Variants in MAPK8IP1 observed in about 807,000 individuals in gnomAD.
The protein encoded by MAPK8IP1 is C-Jun-amino-terminal kinase-interacting protein 1.
In MAPK8IP1, 17 loss-of-function variants were observed where a neutral mutation model predicts 72.6. That is an observed-to-expected ratio of 0.23 (90% CI 0.16 to 0.35). MAPK8IP1 has a LOEUF of 0.35. Among genes scored for constraint, MAPK8IP1 ranks in the 10% least tolerant of loss-of-function variants. MAPK8IP1 has a pLI of 1.00. For synonymous variants in MAPK8IP1, 401 were observed against 443.4 expected, an observed-to-expected ratio of 0.90 and a Z score of 1.20; for missense variants, 789 against 1,009.7, an observed-to-expected ratio of 0.78 and a Z score of 2.96.
Position 45,905,741 on chromosome 11 carries a change from G to A in MAPK8IP1, c.*20G>A. On this transcript the variant is annotated 3_prime_UTR_variant, in exon 12 of 12. Transcript: ENST00000241014. Reference sequence around the variant, plus strand: ...GAGTAGCTGTGCAGCCCCGCCCTCTGCGTCCCCCAGCCCTCAGGCCAGTGC... The same window carrying A: ...GAGTAGCTGTGCAGCCCCGCCCTCTACGTCCCCCAGCCCTCAGGCCAGTGC... 6.2e-7 allele frequency: 1 copy of A among 1,609,924 alleles called. No individual in the cohort carries two copies. Among genetic ancestry groups the A allele is most frequent in the East Asian group, 2.2e-5 (1 of 44,864 alleles).
chr11:45,885,829 G>A lies in MAPK8IP1; in HGVS notation c.9G>A (p.Glu3=), dbSNP rs532716851. Residue 3 remains glutamate (E), a synonymous_variant, in exon 1 of 12, where the codon GAG becomes GAA. Transcript: ENST00000241014. ...CAGGGCTGTGCCCGAGAATGGCGGAGCGAGAAAGCGGCGGCCTGGGAGGGG... is the reference window on the plus strand; with the variant it reads ...CAGGGCTGTGCCCGAGAATGGCGGAACGAGAAAGCGGCGGCCTGGGAGGGG... The part of the protein sequence containing the change: MA[E]RESGGLGGGA... 7.0e-7 allele frequency: 1 copy of A among 1,432,182 alleles called. No individual in the cohort carries two copies. Among genetic ancestry groups the A allele is most frequent in the Non-Finnish European group, 9.2e-7 (1 of 1,091,488 alleles). The allele number at this position is 1,432,182 out of a possible 1,614,324, so 88.7% of individuals were successfully genotyped here.
chr11:45,901,094 G>A (rs2086649774), intron 3 of MAPK8IP1, among the ~76,000 whole-genome samples: 1 of 152,110 alleles, frequency 6.6e-6, no homozygotes, highest in Non-Finnish European at 1.5e-5. Flanking sequence ...TGTCTTCCAG[G>A]CCCATCGGGA....
chr11:45,902,567 TCCACTA>T lies in MAPK8IP1; in HGVS notation c.804_809del (p.His268_Tyr269del), dbSNP rs1221575852. On this transcript the variant is annotated inframe_deletion, in exon 5 of 12. Transcript: ENST00000241014. The surrounding 1 kb of genome is among the most constrained non-coding windows in gnomAD (Gnocchi z 9.3). ...CGGGGCCACTCGCATCGAGACCGAATCCACTACCAGGCCGATGTGCGACTAGAGGCC... is the reference window on the plus strand; with the variant it reads ...CGGGGCCACTCGCATCGAGACCGAATCCAGGCCGATGTGCGACTAGAGGCC... The T allele has an allele frequency of 6.2e-7, 1 of 1,612,382 alleles. No individual in the cohort carries two copies. Among genetic ancestry groups the T allele is most frequent in the African/African-American group, 1.3e-5 (1 of 74,776 alleles).
At chr11:45,888,796 T>G (rs960335121) in intron 1 of MAPK8IP1, among the ~76,000 whole-genome samples, 11 of 151,906 alleles carry the variant, frequency 7.2e-5, no homozygotes, top group Non-Finnish European at 1.5e-4. Context: ...GTATTCTGGG[T>G]TCAAGCGGTT....
In MAPK8IP1 at chr11:45,904,028, G is replaced by A. The variant is rs1445138377; in HGVS notation, c.1533G>A (p.Val511=). 6.2e-7 allele frequency: 1 copy of A among 1,613,868 alleles called. No individual in the cohort carries two copies. Among genetic ancestry groups the A allele is most frequent in the Non-Finnish European group, 8.5e-7 (1 of 1,180,026 alleles). The change falls in exon 7 of 12, where the codon GTG becomes GTA. Residue 511 remains valine (V), a synonymous_variant. Transcript: ENST00000241014. The surrounding 1 kb of genome is among the most constrained non-coding windows in gnomAD (Gnocchi z 6.4). The part of the protein sequence containing the change: ...PRHEDELELE[V]DDPLLVELQA... ...ACGAAGACGAACTTGAGCTGGAAGT[G>A]GATGACCCTCTGCTAGTGGAGCTCC...
intron 11 of MAPK8IP1, 131 bp from the exon 12 acceptor site, chr11:45,905,518 A>T: frequency 1.2e-6 from 1 of 861,788 alleles, no homozygotes; most frequent in South Asian, 1.3e-5. Flanking sequence ...GAACAGAGCC[A>T]AGTGGCCCCA....
rs1590787191 is a variant in MAPK8IP1, at chr11:45,901,982, C to T, written c.525C>T (p.Asp175=). The T allele has an allele frequency of 1.2e-6, 2 of 1,613,428 alleles. No individual in the cohort carries two copies. The highest frequency in any genetic ancestry group is 4.5e-5 in the East Asian group (2 of 44,876). ...AGAGCCTTTTGTTCCCTGCACAGGA[C>T]ACACTGAATAATAATTCTCTGGGCA... ...NLFPQVPRSQ[D]TLNNNSLGKK... The change falls in exon 4 of 12, where the codon GAC becomes GAT. Residue 175 remains aspartate, a splice_region_variant and synonymous_variant. Transcript: ENST00000241014.
chr11:45,888,669 G>T lies in MAPK8IP1; in HGVS notation c.101+2748G>T, dbSNP rs542206723. 2.0e-5 allele frequency among the ~76,000 whole-genome samples: 3 copies of T among 152,102 alleles called. No homozygotes were observed. The South Asian group carries it at 6.2e-4, about 32-fold the overall frequency. On this transcript the variant is annotated intron_variant, in intron 1 of 11. Coordinates refer to ENST00000241014, the MANE Select transcript of MAPK8IP1 (RefSeq NM_005456.4). ...TGGTTACCTTTGGGTATGGTATGGG[G>T]TGAGGGATTTTTACTTCTTATTTTA...
In MAPK8IP1 at chr11:45,905,997, A is replaced by G. The variant is rs902987349; in HGVS notation, c.*276A>G. 1 of 567,338 alleles carries G rather than the reference A, an allele frequency of 1.8e-6. No homozygotes were observed. The highest frequency in any genetic ancestry group is 3.2e-6 in the Non-Finnish European group (1 of 315,334). The allele number at this position is 567,338 out of a possible 1,614,324, so 35.1% of individuals were successfully genotyped here. ...CTTGGGGAGCAGGTCTCTGGCAGAG[A>G]AGGATGTCCGTTCCAGGAGCACACG... is the stretch of plus-strand genomic sequence containing the variant. On this transcript the variant is annotated 3_prime_UTR_variant, in exon 12 of 12. Coordinates refer to ENST00000241014, the MANE Select transcript of MAPK8IP1 (RefSeq NM_005456.4).
chr11:45,889,092 A>G (rs2086548012), intron 1 of MAPK8IP1, among the ~76,000 whole-genome samples: 3 of 152,202 alleles, frequency 2.0e-5, no homozygotes, highest in Non-Finnish European at 4.4e-5. Flanking sequence ...ATTTTGGAAT[A>G]TTTGCATATG....
Position 45,902,509 on chromosome 11 carries a change from C to G in MAPK8IP1, c.742C>G (p.Pro248Ala), listed in dbSNP as rs903754645. The change falls in exon 5 of 12, where the codon CCG becomes GCG. Residue 248 changes from proline to alanine, a missense_variant. Transcript: ENST00000241014. The surrounding 1 kb of genome is among the most constrained non-coding windows in gnomAD (Gnocchi z 9.3). ...CAGCACAGCCACCCAGATGGCACCT[C>G]CGGGTGGTCCCCCTGCTGCCCCGCC... ...RRSTATQMAP[P>A]GGPPAAPPGG... 1 of 1,609,678 alleles carries G rather than the reference C, an allele frequency of 6.2e-7. No homozygotes were observed. The highest frequency in any genetic ancestry group is 8.5e-7 in the Non-Finnish European group (1 of 1,178,680).
Position 45,904,052 on chromosome 11 carries a change from C to A in MAPK8IP1, c.1557C>A (p.Leu519=), listed in dbSNP as rs765749013. 8.1e-6 allele frequency: 13 copies of A among 1,614,040 alleles called. No homozygotes were observed. In the South Asian group the frequency reaches 1.3e-4, roughly 16 times the overall value. Residue 519 remains leucine (L), a synonymous_variant, in exon 7 of 12, where the codon CTC becomes CTA. Coordinates refer to ENST00000241014, the MANE Select transcript of MAPK8IP1 (RefSeq NM_005456.4). This position sits in a 1 kb window ranked among gnomAD's most constrained non-coding sequence, Gnocchi z 6.4. ...LEVDDPLLVE[L]QAEDYWYEAY... ...TGGATGACCCTCTGCTAGTGGAGCT[C>A]CAGGCTGAAGACTACTGGTACGAGG...
chr11:45,885,881 C>A lies in MAPK8IP1; in HGVS notation c.61C>A (p.Pro21Thr). 6.8e-7 allele frequency: 1 copy of A among 1,463,174 alleles called. No homozygotes were observed. Among genetic ancestry groups the A allele is most frequent in the Non-Finnish European group, 9.1e-7 (1 of 1,104,100 alleles). The allele number at this position is 1,463,174 out of a possible 1,614,324, so 90.6% of individuals were successfully genotyped here. A position where few individuals can be genotyped will look rare whatever the true frequency, so the allele number is the denominator to read the frequency against. Reference sequence around the variant, plus strand: ...GGCCGCGTCCCCGCCCGCCGCCTCCCCGTTCCTGGGGCTGCACATCGCTTC... The same window carrying A: ...GGCCGCGTCCCCGCCCGCCGCCTCCACGTTCCTGGGGCTGCACATCGCTTC... The part of the protein sequence containing the change: ...GGAASPPAAS[P>T]FLGLHIASPP... The change falls in exon 1 of 12, where the codon CCG (proline) becomes ACG (threonine). Residue 21 changes from proline (P) to threonine (T), a missense_variant. Coordinates refer to ENST00000241014, the MANE Select transcript of MAPK8IP1 (RefSeq NM_005456.4).
rs762959252 is a variant in MAPK8IP1 at position 45,902,263 on chromosome 11, C to T, written c.605-109C>T. ...CCCAGAGCCTGCGAAGGGCCTGTTGCCCAGGGAGGCTTTGTCTTGGTTTCT... is the reference window on the plus strand; with the variant it reads ...CCCAGAGCCTGCGAAGGGCCTGTTGTCCAGGGAGGCTTTGTCTTGGTTTCT... On this transcript the variant is annotated intron_variant, in intron 4 of 11. Transcript: ENST00000241014. This position sits in a 1 kb window ranked among gnomAD's most constrained non-coding sequence, Gnocchi z 9.3. 23 of 1,086,150 alleles carry T rather than the reference C, an allele frequency of 2.1e-5. No homozygotes were observed. Among genetic ancestry groups the T allele is most frequent in the Non-Finnish European group, 2.9e-5 (21 of 722,444 alleles). 67.3% of individuals were successfully genotyped at this position (1,086,150 alleles called of 1,614,324 possible). A position where few individuals can be genotyped will look rare whatever the true frequency, so the allele number is the denominator to read the frequency against.
rs538250572 is a variant in MAPK8IP1, at chr11:45,906,331, C to A, written c.*610C>A. 1.6e-4 allele frequency: 73 copies of A among 451,264 alleles called. No individual in the cohort carries two copies. In the Middle Eastern group the frequency reaches 2.3e-3, roughly 14 times the overall value. The allele number at this position is 451,264 out of a possible 1,614,324, so 28.0% of individuals were successfully genotyped here. A position where few individuals can be genotyped will look rare whatever the true frequency, so the allele number is the denominator to read the frequency against. ...ATGCTGGCCTGTGGCAGGCCTAGGA[C>A]CTCAGGCGGGGAGGAGGAGCTGCCG... On this transcript the variant is annotated 3_prime_UTR_variant, in exon 12 of 12. Transcript: ENST00000241014.
rs778477698 is a variant in MAPK8IP1, at chr11:45,901,969, T to A, written c.523-11T>A. 4.8e-5 allele frequency: 78 copies of A among 1,611,582 alleles called. No homozygotes were observed. Among genetic ancestry groups the A allele is most frequent in the Non-Finnish European group, 6.1e-5 (72 of 1,177,840 alleles). On this transcript the variant is annotated splice_polypyrimidine_tract_variant and intron_variant, in intron 3 of 11. Coordinates refer to ENST00000241014, the MANE Select transcript of MAPK8IP1 (RefSeq NM_005456.4). Reference sequence around the variant, plus strand: ...CACTTCCATCACAAGAGCCTTTTGTTCCCTGCACAGGACACACTGAATAAT... The same window carrying A: ...CACTTCCATCACAAGAGCCTTTTGTACCCTGCACAGGACACACTGAATAAT...
chr11:45,903,540 A>G lies in MAPK8IP1; in HGVS notation c.1493+100A>G. ...ACATGGCCTCAGCCTAACCCCTGCC[A>G]TCAGCCTTCATTTATCCACTCAGCC... is the stretch of plus-strand genomic sequence containing the variant. On this transcript the variant is annotated intron_variant, in intron 6 of 11. Transcript: ENST00000241014. The surrounding 1 kb of genome is among the most constrained non-coding windows in gnomAD (Gnocchi z 6.4). 2.4e-5 allele frequency: 24 copies of G among 992,496 alleles called. No homozygotes were observed. The highest frequency in any genetic ancestry group is 3.7e-5 in the Non-Finnish European group (24 of 649,510). 61.5% of individuals were successfully genotyped at this position (992,496 alleles called of 1,614,324 possible).
intron 1 of MAPK8IP1, among the ~76,000 whole-genome samples, chr11:45,888,888 C>T (rs570973240): frequency 2.6e-5 from 4 of 151,874 alleles, no homozygotes; most frequent in South Asian, 2.1e-4. Flanking sequence ...TTAGTAGAGA[C>T]GGGGTTTCAA....
At position 45,902,887 on chromosome 11, in the gene MAPK8IP1, C is replaced by T. The variant is rs1252651974; in HGVS notation, c.1120C>T (p.Leu374=). The change falls in exon 5 of 12, where the codon CTG becomes TTG. Residue 374 remains leucine (L), a synonymous_variant. Coordinates refer to ENST00000241014, the MANE Select transcript of MAPK8IP1 (RefSeq NM_005456.4). This position sits in a 1 kb window ranked among gnomAD's most constrained non-coding sequence, Gnocchi z 9.3. ...CTCTCTGAGCTCGGACACCAGCGCCCTGTCCTATGACTCTGTCAAGTACAC... is the reference window on the plus strand; with the variant it reads ...CTCTCTGAGCTCGGACACCAGCGCCTTGTCCTATGACTCTGTCAAGTACAC... The part of the protein sequence containing the change: ...RASLSSDTSA[L]SYDSVKYTLV... 1.9e-6 allele frequency: 3 copies of T among 1,603,466 alleles called. No individual in the cohort carries two copies. Among genetic ancestry groups the T allele is most frequent in the Non-Finnish European group, 2.6e-6 (3 of 1,175,400 alleles).
Sources: gnomAD v4.1 joint callset for allele counts (sites outside exome capture counted in the v4.1 genomes callset) on GRCh38, gnomAD v4.1.1 for gene constraint, Gnocchi (gnomAD v3.1) non-coding constraint, MANE v1.5 for transcripts, NCBI Gene and HGNC (gene_info 2026-07-23, HGNC 2026-07-21) for gene names.